The following EBPL variants were observed in gnomAD, a reference collection of about 807,000 sequenced individuals.
The protein encoded by EBPL is EBP like, also known as emopamil-binding protein-like.
Under a neutral mutation model 19.0 loss-of-function variants are expected in EBPL, and 20 were observed. The observed-to-expected ratio is 1.05, with a 90% CI of 0.74 to 1.53. The LOEUF is 1.53. Among genes scored for constraint, EBPL ranks in the 40% most tolerant of loss-of-function variants. The pLI is 0.00. For synonymous variants in EBPL, 107 were observed against 117.0 expected (o/e 0.91, Z 0.55); for missense variants, 219 against 261.1 (o/e 0.84, Z 1.11).
Position 49,661,133 on chromosome 13 carries a change from G to A in EBPL, c.456C>T (p.Thr152=). Residue 152 remains threonine, a synonymous_variant, in exon 4 of 4, where the codon ACC becomes ACT. Transcript: ENST00000242827. ...CWMTFLPEWL[T]RSPNLNTSNW... ...TGCTGGTGTTGAGGTTGGGGCTTCTGGTGAGCCACTCTGGGAGGAAGGTCA... is the reference window on the plus strand; with the variant it reads ...TGCTGGTGTTGAGGTTGGGGCTTCTAGTGAGCCACTCTGGGAGGAAGGTCA... The A allele has an allele frequency of 1.2e-6, 2 of 1,614,146 alleles. No homozygotes were observed. The highest frequency in any genetic ancestry group is 1.7e-6 in the Non-Finnish European group (2 of 1,180,018).
intron 3 of EBPL, among the ~76,000 whole-genome samples, chr13:49,662,594 A>G (rs1035187847): frequency 3.9e-5 from 6 of 151,938 alleles, no homozygotes; most frequent in African/African-American, 1.5e-4. Flanking sequence ...TGATCCTAGT[A>G]GCACCATCAC....
intron 1 of EBPL, among the ~76,000 whole-genome samples, chr13:49,688,159 G>A (rs1954019101): frequency 1.3e-5 from 2 of 152,122 alleles, no homozygotes; most frequent in East Asian, 1.9e-4. Flanking sequence ...TGCCCACAGC[G>A]ACCTCAGAAT....
intron 2 of EBPL, among the ~76,000 whole-genome samples, chr13:49,666,026 A>G (rs1333154059): frequency 6.6e-6 from 1 of 152,152 alleles, no homozygotes; most frequent in Non-Finnish European, 1.5e-5. Flanking sequence ...GATGAGATGG[A>G]GGAGGTTTAT....
intron 1 of EBPL, among the ~76,000 whole-genome samples, chr13:49,683,107 G>C (rs1271167194): frequency 6.6e-6 from 1 of 152,064 alleles, no homozygotes; most frequent in East Asian, 2.0e-4. Context: ...CCAAGTAGCT[G>C]GGATTACAGG....
chr13:49,663,738 C>T (rs559218778), intron 2 of EBPL, among the ~76,000 whole-genome samples: 6 of 145,982 alleles, frequency 4.1e-5, no homozygotes, highest in Middle Eastern at 7.8e-3. Flanking sequence ...GAGATCGAGA[C>T]CATCCTGGCC....
intron 1 of EBPL, among the ~76,000 whole-genome samples, chr13:49,678,989 C>A (rs1953912363): frequency 8.3e-6 from 1 of 120,808 alleles, no homozygotes; most frequent in African/African-American, 3.0e-5. Flanking sequence ...GCCTGGGTGA[C>A]AGAGTGAGAC....
At chr13:49,678,455 G>A (rs1168761827) in intron 1 of EBPL, among the ~76,000 whole-genome samples, 2 of 152,338 alleles carry the variant, frequency 1.3e-5, no homozygotes, top group South Asian at 2.1e-4. Flanking sequence ...GCCCTGCCCC[G>A]TGGGGAAGCG....
chr13:49,661,995 T>C (rs746351742), intron 3 of EBPL: 167 of 1,393,180 alleles, frequency 1.2e-4, no homozygotes, highest in Non-Finnish European at 1.6e-4. Context: ...TGGATAATTT[T>C]TTCATCCTTT....
intron 1 of EBPL, among the ~76,000 whole-genome samples, chr13:49,677,100 G>A (rs982971858): frequency 6.6e-6 from 1 of 152,168 alleles, no homozygotes; most frequent in African/African-American, 2.4e-5. Flanking sequence ...ATCCTTTTCC[G>A]GGAAGGGGCA....
intron 1 of EBPL, among the ~76,000 whole-genome samples, chr13:49,680,804 G>A (rs1478054085): frequency 1.3e-5 from 2 of 150,856 alleles, no homozygotes; most frequent in African/African-American, 4.9e-5. Flanking sequence ...CCTGGTGACA[G>A]AGCGAGATTC....
intron 1 of EBPL, among the ~76,000 whole-genome samples, chr13:49,674,151 A>C (rs1361683640): frequency 1.3e-5 from 2 of 152,154 alleles, no homozygotes; most frequent in Non-Finnish European, 2.9e-5. Flanking sequence ...CTCCCCAGGC[A>C]GGAGTGCAGT....
At chr13:49,666,792 A>AG (rs1965235785) in intron 2 of EBPL, among the ~76,000 whole-genome samples, 1 of 149,350 alleles carries the variant, frequency 6.7e-6, no homozygotes, top group South Asian at 2.1e-4. Flanking sequence ...TGGGAGGCTG[A>AG]GGCAAGAGCA....
chr13:49,670,473 T>C (rs1953799885), intron 1 of EBPL, among the ~76,000 whole-genome samples: 2 of 152,232 alleles, frequency 1.3e-5, no homozygotes, highest in South Asian at 2.1e-4. Flanking sequence ...GGATATGTAA[T>C]TGTCATGTTG....
intron 2 of EBPL, among the ~76,000 whole-genome samples, chr13:49,663,461 C>T (rs574646808): frequency 6.6e-5 from 10 of 152,036 alleles, no homozygotes; most frequent in Non-Finnish European, 1.5e-4. Context: ...CCTCCTCAGC[C>T]CCACCCTCTT....
chr13:49,668,209 C>T (rs894217767), intron 2 of EBPL: 1 of 156,780 alleles, frequency 6.4e-6, no homozygotes, highest in Non-Finnish European at 1.4e-5. Flanking sequence ...CTAGATGTTT[C>T]CTAACACTAG....
intron 1 of EBPL, among the ~76,000 whole-genome samples, chr13:49,683,089 T>A (rs1953959363): frequency 6.6e-6 from 1 of 152,086 alleles, no homozygotes; most frequent in African/African-American, 2.4e-5. Context: ...TTCTCACGCC[T>A]CAGCCTCCCA....
chr13:49,687,318 C>A (rs1954009357), intron 1 of EBPL, among the ~76,000 whole-genome samples: 1 of 152,176 alleles, frequency 6.6e-6, no homozygotes, highest in Non-Finnish European at 1.5e-5. Context: ...AGTTCCAACA[C>A]CACCTCAGCT....
chr13:49,685,478 T>C (rs777703446), intron 1 of EBPL, among the ~76,000 whole-genome samples: 3 of 152,066 alleles, frequency 2.0e-5, no homozygotes, highest in Non-Finnish European at 2.9e-5. Context: ...AAGACAAACA[T>C]CCCCATTGAA....
intron 3 of EBPL, chr13:49,661,819 A>C: frequency 1.3e-6 from 2 of 1,545,798 alleles, no homozygotes; most frequent in Non-Finnish European, 8.7e-7. Context: ...TTTAAATAAG[A>C]CTTCTTCATT....
Sources: allele counts gnomAD v4.1 joint callset (sites outside exome capture counted in the v4.1 genomes callset), GRCh38; gene constraint gnomAD v4.1.1; transcripts MANE v1.5; gene names NCBI Gene and HGNC (gene_info 2026-07-23, HGNC 2026-07-21).